CDH24: variants seen among roughly 807,000 people sequenced by gnomAD.
CDH24 encodes the protein cadherin-24.
A neutral mutation model predicts 71.2 loss-of-function variants in CDH24; 61 were observed. That is an observed-to-expected ratio of 0.86 (90% CI 0.70 to 1.06). The LOEUF (loss-of-function observed/expected upper bound fraction) is 1.06. Among genes scored for constraint, CDH24 ranks in the 50% least tolerant of loss-of-function variants. The pLI is 0.00. For missense variants in CDH24, 961 were observed against 1,083.7 expected (o/e 0.89, Z 1.59); for synonymous variants, 440 against 470.2 (o/e 0.94, Z 0.83).
intron 1 of CDH24, among the ~76,000 whole-genome samples, chr14:23,056,298 G>A (rs1261222734): frequency 6.6e-6 from 1 of 152,230 alleles, no homozygotes; most frequent in African/African-American, 2.4e-5. Context: ...AGGCAGGGCT[G>A]AGAGTCTGTG....
At position 23,055,867 on chromosome 14, in the gene CDH24, A is replaced by G; in HGVS notation, c.-124-10T>C. The G allele has an allele frequency of 1.4e-6, 1 of 718,328 alleles. No homozygotes were observed. The allele number at this position is 718,328 out of a possible 1,614,324, so 44.5% of individuals were successfully genotyped here. A position where few individuals can be genotyped will look rare whatever the true frequency, so the allele number is the denominator to read the frequency against. On this transcript the variant is annotated splice_polypyrimidine_tract_variant and intron_variant, in intron 1 of 12. Transcript: ENST00000487137. This position sits in a 1 kb window ranked among gnomAD's most constrained non-coding sequence, Gnocchi z 4.1. ...CCCCATGGATCCACACCTGCAGGAC[A>G]AGCAGCTGCTCAGGCTCAAGGAAAC...
At position 23,054,877 on chromosome 14, in the gene CDH24, T is replaced by G; in HGVS notation, c.497-11A>C. On this transcript the variant is annotated splice_polypyrimidine_tract_variant and intron_variant, in intron 3 of 12. Transcript: ENST00000487137. The surrounding 1 kb of genome is among the most constrained non-coding windows in gnomAD (Gnocchi z 5.2). ...GGATCACTGATGTCCCTGTGGGGGA[T>G]GCCAGCACGCCATTCAGCAGCAGCA... 6.2e-7 allele frequency: 1 copy of G among 1,611,558 alleles called. No homozygotes were observed. Among genetic ancestry groups the G allele is most frequent in the East Asian group, 2.2e-5 (1 of 44,852 alleles).
Position 23,055,066 on chromosome 14 carries a change from G to A in CDH24, c.489C>T (p.Ser163=). The change falls in exon 3 of 13, where the codon TCC becomes TCT. Residue 163 remains serine (S), a synonymous_variant. Transcript: ENST00000487137. This position sits in a 1 kb window ranked among gnomAD's most constrained non-coding sequence, Gnocchi z 4.1. ...GPYHATVPEM[S]NVGTSVIQVT... is the part of the protein sequence containing the mutation. ...CAGAGCTGGGGTGCTCACCGACATTGGACATCTCGGGCACGGTGGCATGGT... is the reference window on the plus strand; with the variant it reads ...CAGAGCTGGGGTGCTCACCGACATTAGACATCTCGGGCACGGTGGCATGGT... 6.2e-7 allele frequency: 1 copy of A among 1,610,082 alleles called. No homozygotes were observed. Among genetic ancestry groups the A allele is most frequent in the Non-Finnish European group, 8.5e-7 (1 of 1,176,868 alleles).
intron 8 of CDH24, among the ~76,000 whole-genome samples, chr14:23,050,806 C>T (rs182925102): frequency 6.6e-6 from 1 of 152,318 alleles, no homozygotes; most frequent in East Asian, 1.9e-4. Context: ...AGTCTTTCCC[C>T]TAGGCAGAGG....
At chr14:23,052,424 C>A in intron 8 of CDH24, 49 bp downstream of exon 8, 1 of 1,608,124 alleles carries the variant, frequency 6.2e-7, no homozygotes, top group Non-Finnish European at 8.5e-7. Context: ...CCAGGGACAG[C>A]TCCTCGGCCA....
At chr14:23,050,091 A>G in intron 8 of CDH24, 148 bp from the exon 9 acceptor site, 1 of 1,123,070 alleles carries the variant, frequency 8.9e-7, no homozygotes, top group Admixed American at 2.4e-5. Context: ...CAGGTAGAAA[A>G]CAATGTTGCA....
chr14:23,056,819 T>TG (rs1461354071), intron 1 of CDH24, among the ~76,000 whole-genome samples: 1 of 150,728 alleles, frequency 6.6e-6, no homozygotes, highest in Non-Finnish European at 1.5e-5. Flanking sequence ...CCCTTCCCAC[T>TG]GCTCTCCTTT....
At chr14:23,056,211 AT>A (rs1428154801) in intron 1 of CDH24, among the ~76,000 whole-genome samples, 1 of 152,230 alleles carries the variant, frequency 6.6e-6, no homozygotes, top group African/African-American at 2.4e-5. Flanking sequence ...AGGGCTTAAA[AT>A]TACGGAGTTG....
In CDH24 at chr14:23,048,053, G is replaced by A; in HGVS notation, c.2273C>T (p.Pro758Leu). 1 of 1,442,548 alleles carries A rather than the reference G, an allele frequency of 6.9e-7. No individual in the cohort carries two copies. The highest frequency in any genetic ancestry group is 9.1e-7 in the Non-Finnish European group (1 of 1,102,630). 89.4% of individuals were successfully genotyped at this position (1,442,548 alleles called of 1,614,324 possible). ...EAGGAPGPAE[P>L]LDDWGPLFRT... ...GAAGAGCGGACCCCAGTCGTCCAGC[G>A]GCTCCGCGGGGCCGGGGGCGCCGCC... The change falls in exon 12 of 13, where the codon CCG (proline) becomes CTG (leucine). Residue 758 changes from proline to leucine, a missense_variant. Around this residue, in one of 2 missense-constraint regions of CDH24, gnomAD observed 290 missense variants for 272.8 expected, o/e 1.06. Coordinates refer to ENST00000487137, the MANE Select transcript of CDH24 (RefSeq NM_144985.4).
Position 23,049,179 on chromosome 14 carries a change from G to C in CDH24, c.1694C>G (p.Ala565Gly). 6.3e-7 allele frequency: 1 copy of C among 1,578,462 alleles called. No individual in the cohort carries two copies. The highest frequency in any genetic ancestry group is 8.6e-7 in the Non-Finnish European group (1 of 1,161,986). Residue 565 changes from alanine (A) to glycine (G), a missense_variant, in exon 11 of 13, where the codon GCG becomes GGG. By Grantham distance (60) the Ala-to-Gly change is moderately conservative. Coordinates refer to ENST00000487137, the MANE Select transcript of CDH24 (RefSeq NM_144985.4). ...PIELWDWGQPALSSTATVTVS... is the reference protein window; with the variant it reads ...PIELWDWGQPGLSSTATVTVS... ...AGTCACTGTGGCAGTGCTGCTCAGCGCCGGCTGCCCCCAGTCCCACAGTTC... is the reference window on the plus strand; with the variant it reads ...AGTCACTGTGGCAGTGCTGCTCAGCCCCGGCTGCCCCCAGTCCCACAGTTC...
In CDH24 at chr14:23,054,792, T is replaced by C. The variant is rs766418073; in HGVS notation, c.571A>G (p.Thr191Ala). ...SYGNSAKLVY[T>A]VLDGLPFFSV... ...AAGAAAGGCAGTCCATCCAGAACAG[T>C]GTACACCAGCTTGGCACTGTTCCCA... The change falls in exon 4 of 13, where the codon ACT (threonine) becomes GCT (alanine). Residue 191 changes from threonine to alanine, a missense_variant. Transcript: ENST00000487137. The surrounding 1 kb of genome is among the most constrained non-coding windows in gnomAD (Gnocchi z 5.2). 1.2e-5 allele frequency: 19 copies of C among 1,613,940 alleles called. No individual in the cohort carries two copies. Among genetic ancestry groups the C allele is most frequent in the Non-Finnish European group, 1.5e-5 (18 of 1,179,978 alleles).
At chr14:23,049,533 G>A (rs1358205159) in intron 10 of CDH24, 94 bp downstream of exon 10, 2 of 799,098 alleles carry the variant, frequency 2.5e-6, no homozygotes, top group East Asian at 4.9e-5. Context: ...GGCCGAGGCA[G>A]GTGGGGCAGG....
At chr14:23,052,217 C>A in intron 8 of CDH24, 2 of 720,858 alleles carry the variant, frequency 2.8e-6, no homozygotes, top group Non-Finnish European at 4.9e-6. Flanking sequence ...TCAGGCACAC[C>A]CACTGTGCCC....
Position 23,055,088 on chromosome 14 carries a change from T to G in CDH24, c.467A>C (p.His156Pro), listed in dbSNP as rs768720761. ...NPPIFPLGPYHATVPEMSNVG... is the reference protein window; with the variant it reads ...NPPIFPLGPYPATVPEMSNVG... ...ATTGGACATCTCGGGCACGGTGGCA[T>G]GGTAGGGCCCAAGGGGAAAAATGGG... Residue 156 changes from histidine (H) to proline (P), a missense_variant, in exon 3 of 13, where the codon CAT becomes CCT. Physicochemically the swap from His to Pro is moderately conservative, Grantham distance 77 (BLOSUM62 -2). Coordinates refer to ENST00000487137, the MANE Select transcript of CDH24 (RefSeq NM_144985.4). This position sits in a 1 kb window ranked among gnomAD's most constrained non-coding sequence, Gnocchi z 4.1. 1 of 1,612,312 alleles carries G rather than the reference T, an allele frequency of 6.2e-7. No individual in the cohort carries two copies.
intron 7 of CDH24, 40 bp from the exon 8 acceptor site, chr14:23,052,649 G>C: frequency 1.2e-6 from 2 of 1,603,652 alleles, no homozygotes; most frequent in Non-Finnish European, 1.7e-6. Flanking sequence ...ATCTGGGGCG[G>C]GACCACAGCT....
At position 23,048,097 on chromosome 14, in the gene CDH24, C is replaced by G. The variant is rs1263047479; in HGVS notation, c.2229G>C (p.Leu743=). ...RGSSCGSLSS[L]GSGSEAGGAP... ...CGCCGCCGGCTTCGCTGCCGGAGCCCAGGGAGCTGAGGGAGCCGCAAGAGG... is the reference window on the plus strand; with the variant it reads ...CGCCGCCGGCTTCGCTGCCGGAGCCGAGGGAGCTGAGGGAGCCGCAAGAGG... The change falls in exon 12 of 13, where the codon CTG becomes CTC. Residue 743 remains leucine (L), a synonymous_variant. Coordinates refer to ENST00000487137, the MANE Select transcript of CDH24 (RefSeq NM_144985.4). 3 of 1,417,296 alleles carry G rather than the reference C, an allele frequency of 2.1e-6. No individual in the cohort carries two copies. The highest frequency in any genetic ancestry group is 1.8e-6 in the Non-Finnish European group (2 of 1,091,582). 87.8% of individuals were successfully genotyped at this position (1,417,296 alleles called of 1,614,324 possible). A position where few individuals can be genotyped will look rare whatever the true frequency, so the allele number is the denominator to read the frequency against.
chr14:23,052,910 C>T (rs548406663), intron 7 of CDH24, among the ~76,000 whole-genome samples: 2 of 152,172 alleles, frequency 1.3e-5, no homozygotes, highest in African/African-American at 4.8e-5. Context: ...TTCTGAGAAC[C>T]CAGGGACATG....
chr14:23,048,154 C>T lies in CDH24; in HGVS notation c.2172G>A (p.Ser724=). Residue 724 remains serine (S), a synonymous_variant, in exon 12 of 13, where the codon TCG becomes TCA. Coordinates refer to ENST00000487137, the MANE Select transcript of CDH24 (RefSeq NM_144985.4). ...GGCCCTCGTAGCCGTACACCTGCAC[C>T]GAGTCGTACGGGGGTACGCCGGGGT... is the stretch of plus-strand genomic sequence containing the variant. The part of the protein sequence containing the change: ...DEDPGVPPYD[S]VQVYGYEGRG... 3.6e-6 allele frequency: 5 copies of T among 1,373,398 alleles called. No homozygotes were observed. The highest frequency in any genetic ancestry group is 4.7e-6 in the Non-Finnish European group (5 of 1,061,538). The allele number at this position is 1,373,398 out of a possible 1,614,324, so 85.1% of individuals were successfully genotyped here. A position where few individuals can be genotyped will look rare whatever the true frequency, so the allele number is the denominator to read the frequency against.
intron 8 of CDH24, 92 bp from the exon 9 acceptor site, chr14:23,050,035 A>C: frequency 1.3e-6 from 2 of 1,515,408 alleles, no homozygotes; most frequent in East Asian, 2.3e-5. Context: ...TGCCACATGA[A>C]GCATATAGCA....
Sources: allele counts gnomAD v4.1 joint callset (sites outside exome capture counted in the v4.1 genomes callset), GRCh38; gene constraint gnomAD v4.1.1; regional missense constraint gnomAD v4.1.1; non-coding constraint Gnocchi (gnomAD v3.1); transcripts MANE v1.5; gene names NCBI Gene and HGNC (gene_info 2026-07-23, HGNC 2026-07-21).